Variants in TTLL7 observed in about 807,000 individuals in gnomAD.
The protein encoded by TTLL7 is tubulin polyglutamylase TTLL7.
A neutral mutation model predicts 120.2 loss-of-function variants in TTLL7; 53 were observed. That is an observed-to-expected ratio of 0.44 (90% CI 0.35 to 0.55). The LOEUF (loss-of-function observed/expected upper bound fraction) is 0.55. Among genes scored for constraint, TTLL7 ranks in the 20% least tolerant of loss-of-function variants. The pLI, the probability that TTLL7 is intolerant of heterozygous loss-of-function variation, is 0.00. For synonymous variants in TTLL7, 353 were observed against 351.7 expected (o/e 1.00, Z -0.04); for missense variants, 803 against 1,054.7 (o/e 0.76, Z 3.31).
chr1:83,919,664 T>C (rs757384498), intron 13 of TTLL7, 35 bp downstream of exon 13: 3 of 1,569,204 alleles, frequency 1.9e-6, no homozygotes, highest in Admixed American at 3.7e-5. Flanking sequence ...TTTAGCTTTA[T>C]TCTTTTTTCT....
chr1:83,877,517 AG>A (rs144649788), intron 20 of TTLL7, among the ~76,000 whole-genome samples: 6,347 of 152,050 alleles, frequency 0.042, 157 homozygotes, highest in Middle Eastern at 0.099. Flanking sequence ...TAATTTTTTC[AG>A]TAGTTATGAC....
chr1:83,909,783 A>G (rs1321077521), intron 15 of TTLL7, among the ~76,000 whole-genome samples: 1 of 152,080 alleles, frequency 6.6e-6, no homozygotes, highest in Non-Finnish European at 1.5e-5. Flanking sequence ...TTTTACTCCA[A>G]CCTGTCCTCA....
chr1:83,956,811 A>C (rs908816722), intron 1 of TTLL7, among the ~76,000 whole-genome samples: 2 of 152,208 alleles, frequency 1.3e-5, no homozygotes, highest in African/African-American at 4.8e-5. Context: ...CCAACAGAGG[A>C]ATATATGGAA....
chr1:83,949,795 A>T, intron 4 of TTLL7, 70 bp downstream of exon 4: 1 of 1,550,688 alleles, frequency 6.4e-7, no homozygotes. Flanking sequence ...TTAAGAACCT[A>T]TCTAAAAAAG....
intron 8 of TTLL7, among the ~76,000 whole-genome samples, chr1:83,934,996 G>C (rs1647263672): frequency 6.6e-6 from 1 of 152,012 alleles, no homozygotes; most frequent in Non-Finnish European, 1.5e-5. Flanking sequence ...TCCACTACCT[G>C]GTGGAACAAT....
chr1:83,937,734 T>G lies in TTLL7; in HGVS notation c.888+118A>C. 6.9e-6 allele frequency: 8 copies of G among 1,153,320 alleles called. No individual in the cohort carries two copies. In the South Asian group the frequency reaches 9.8e-5, roughly 14 times the overall value. 71.4% of individuals were successfully genotyped at this position (1,153,320 alleles called of 1,614,324 possible). A position where few individuals can be genotyped will look rare whatever the true frequency, so the allele number is the denominator to read the frequency against. On this transcript the variant is annotated intron_variant, in intron 8 of 20. Coordinates refer to ENST00000260505, the MANE Select transcript of TTLL7 (RefSeq NM_024686.6). ...AATGATCTGATTTTTTTCTCTCTGG[T>G]CCTCTCAATTATAGGGAACCAAGTT...
At chr1:83,913,608 A>G (rs1657857302) in intron 14 of TTLL7, among the ~76,000 whole-genome samples, 1 of 152,218 alleles carries the variant, frequency 6.6e-6, no homozygotes, top group Non-Finnish European at 1.5e-5. Context: ...TTGGTAAACA[A>G]CATAAAATTA....
At chr1:83,948,982 C>G (rs1047028949) in intron 4 of TTLL7, 2 of 235,074 alleles carry the variant, frequency 8.5e-6, no homozygotes, top group African/African-American at 4.5e-5. Context: ...ATCCAAATTA[C>G]TTTTGTTATT....
intron 15 of TTLL7, among the ~76,000 whole-genome samples, chr1:83,909,922 C>T (rs1657533606): frequency 6.6e-6 from 1 of 152,038 alleles, no homozygotes; most frequent in Admixed American, 6.6e-5. Flanking sequence ...TACACAAAGA[C>T]ACACTGAAAG....
intron 9 of TTLL7, among the ~76,000 whole-genome samples, chr1:83,930,861 C>A (rs759636016): frequency 4.6e-5 from 7 of 152,028 alleles, no homozygotes; most frequent in Non-Finnish European, 8.8e-5. Flanking sequence ...CTCTCTCTCT[C>A]CTTACCTATT....
intron 2 of TTLL7, 105 bp downstream of exon 2, chr1:83,952,082 G>A: frequency 6.7e-7 from 1 of 1,499,216 alleles, no homozygotes; most frequent in Non-Finnish European, 9.2e-7. Context: ...ACAAATCCTG[G>A]TACTTTAAAA....
chr1:83,991,265 T>A (rs12749350), intron 1 of TTLL7, among the ~76,000 whole-genome samples: 72,288 of 151,860 alleles, frequency 0.48, 18,308 homozygotes, highest in Non-Finnish European at 0.57. Flanking sequence ...CAGATGAAAA[T>A]GTTCTGAAGG....
intron 18 of TTLL7, among the ~76,000 whole-genome samples, chr1:83,901,796 C>T (rs1464720876): frequency 2.0e-5 from 3 of 151,924 alleles, no homozygotes; most frequent in East Asian, 3.9e-4. Flanking sequence ...ATTTAAGAGT[C>T]ATCATGTAAT....
Position 83,965,401 on chromosome 1 carries a change from G to A in TTLL7, c.-176-13014C>T, listed in dbSNP as rs681101. Among the ~76,000 whole-genome samples the A allele has an allele frequency of 1.0e-2, 1,520 of 152,102 alleles. 27 individuals are homozygous for A. Among genetic ancestry groups the A allele is most frequent in the African/African-American group, 0.034 (1,415 of 41,472 alleles). ...TCTTCTGTCTCTTCTGCCACCTTGC[G>A]AAGAAGGTGCCTGCTTCCCCTGCCA... On this transcript the variant is annotated intron_variant, in intron 1 of 20. Transcript: ENST00000260505.
intron 1 of TTLL7, among the ~76,000 whole-genome samples, chr1:83,960,820 A>G (rs939602034): frequency 6.6e-6 from 1 of 152,144 alleles, no homozygotes; most frequent in Non-Finnish European, 1.5e-5. Context: ...CATCACCCAA[A>G]CAACTCTCAT....
chr1:83,960,324 G>C (rs1307228190), intron 1 of TTLL7, among the ~76,000 whole-genome samples: 1 of 152,114 alleles, frequency 6.6e-6, no homozygotes, highest in African/African-American at 2.4e-5. Flanking sequence ...GGCAGTAGTG[G>C]AGACAATCTT....
chr1:83,952,244 C>T lies in TTLL7; in HGVS notation c.-33G>A, dbSNP rs1467772643. 3.1e-6 allele frequency: 5 copies of T among 1,613,034 alleles called. No individual in the cohort carries two copies. The highest frequency in any genetic ancestry group is 4.2e-6 in the Non-Finnish European group (5 of 1,179,476). On this transcript the variant is annotated 5_prime_UTR_variant, in exon 2 of 21. Coordinates refer to ENST00000260505, the MANE Select transcript of TTLL7 (RefSeq NM_024686.6). ...TGTGCTGATTAGCAAGCAGTGTGTG[C>T]TGCTGTACCAAGCTCTCAGGAAATC... is the stretch of plus-strand genomic sequence containing the variant.
intron 14 of TTLL7, among the ~76,000 whole-genome samples, chr1:83,914,813 G>T (rs1041354506): frequency 6.6e-6 from 1 of 151,990 alleles, no homozygotes; most frequent in Non-Finnish European, 1.5e-5. Flanking sequence ...TTACCTGTCT[G>T]CTCTTCTACT....
Position 83,951,880 on chromosome 1 carries a change from A to G in TTLL7, c.122T>C (p.Ile41Thr). 6.2e-7 allele frequency: 1 copy of G among 1,613,352 alleles called. No individual in the cohort carries two copies. The highest frequency in any genetic ancestry group is 1.1e-5 in the South Asian group (1 of 90,836). The change falls in exon 3 of 21, where the codon ATT becomes ACT. Residue 41 changes from isoleucine (I) to threonine (T), a missense_variant. Transcript: ENST00000260505. ...CTTTGTCCCGGCAACATTTGCTGTAATGGTTCCCTTCTTTTTCTTCTTTCT... is the reference window on the plus strand; with the variant it reads ...CTTTGTCCCGGCAACATTTGCTGTAGTGGTTCCCTTCTTTTTCTTCTTTCT... ...KVRKKKKKGT[I>T]TANVAGTKFE...
Sources: gnomAD v4.1 joint callset for allele counts (sites outside exome capture counted in the v4.1 genomes callset) on GRCh38, gnomAD v4.1.1 for gene constraint, MANE v1.5 for transcripts, NCBI Gene and HGNC (gene_info 2026-07-23, HGNC 2026-07-21) for gene names.